The following STRBP variants were observed in gnomAD, a reference collection of about 807,000 sequenced individuals.
The protein encoded by STRBP is spermatid perinuclear RNA-binding protein.
In STRBP, 13 loss-of-function variants were observed where a neutral mutation model predicts 80.1. The ratio of observed to expected loss-of-function variants is 0.16; its 90% CI spans 0.11 to 0.26. STRBP has a LOEUF of 0.26. STRBP is among the 10% of genes least tolerant of loss of function. The probability of loss-of-function intolerance (pLI) is 1.00; values close to 1 mark genes in which losing one functional copy is unlikely to be tolerated. For synonymous variants in STRBP, 284 were observed against 291.2 expected (o/e 0.98, Z 0.25); for missense variants, 485 against 815.2 (o/e 0.59, Z 4.93).
chr9:123,137,121 A>G (rs1266847718), intron 14 of STRBP, among the ~76,000 whole-genome samples: 1 of 152,232 alleles, frequency 6.6e-6, no homozygotes, highest in Non-Finnish European at 1.5e-5. Flanking sequence ...AAAATAACGT[A>G]TGTTAAAGAG....
rs1332887057 is a variant in STRBP, at chr9:123,235,946, C to T, written c.-165+884G>A. Among the ~76,000 whole-genome samples, 3 of 152,188 alleles carry T rather than the reference C, an allele frequency of 2.0e-5. No homozygotes were observed. In the East Asian group the frequency reaches 5.8e-4, roughly 29 times the overall value. The stretch of plus-strand genomic sequence containing the variant: ...TCCATCTTACTTTCTGATTAATAAT[C>T]CATCTGCACAAATACTTAATATGTG... On this transcript the variant is annotated intron_variant, in intron 2 of 18. Transcript: ENST00000348403.
chr9:123,247,139 T>C (rs10985913), intron 1 of STRBP, among the ~76,000 whole-genome samples: 57,415 of 152,118 alleles, frequency 0.38, 17,919 homozygotes, highest in African/African-American at 0.83. Context: ...CACTACCCAA[T>C]GCCCCCCTCA....
intron 2 of STRBP, among the ~76,000 whole-genome samples, chr9:123,211,682 A>T (rs2039713895): frequency 6.6e-6 from 1 of 152,330 alleles, no homozygotes; most frequent in South Asian, 2.1e-4. Flanking sequence ...ATAATTTTTT[A>T]AATTTAGGCC....
intron 2 of STRBP, among the ~76,000 whole-genome samples, chr9:123,232,292 C>T (rs2040420569): frequency 6.6e-6 from 1 of 152,156 alleles, no homozygotes; most frequent in African/African-American, 2.4e-5. Context: ...GCCTGGGTGA[C>T]AGAGTAAGAC....
intron 2 of STRBP, among the ~76,000 whole-genome samples, chr9:123,190,909 A>C (rs1329390823): frequency 6.6e-6 from 1 of 152,214 alleles, no homozygotes; most frequent in Non-Finnish European, 1.5e-5. Flanking sequence ...ATTCAGCCAG[A>C]CAGATGACTC....
chr9:123,126,535 G>C lies in STRBP; in HGVS notation c.1943-862C>G, dbSNP rs929476189. On this transcript the variant is annotated intron_variant, in intron 18 of 18. Transcript: ENST00000348403. This position sits in a 1 kb window ranked among gnomAD's most constrained non-coding sequence, Gnocchi z 4.4. Reference sequence around the variant, plus strand: ...AGGAGCTTTCTGATGTGGGGGCTCAGAGGGCACAGGGTGAAAGTATAATGT... The same window carrying C: ...AGGAGCTTTCTGATGTGGGGGCTCACAGGGCACAGGGTGAAAGTATAATGT... 6.6e-6 allele frequency among the ~76,000 whole-genome samples: 1 copy of C among 152,130 alleles called. No individual in the cohort carries two copies. Among genetic ancestry groups the C allele is most frequent in the African/African-American group, 2.4e-5 (1 of 41,428 alleles).
chr9:123,263,368 T>TA (rs1272266106), intron 1 of STRBP, among the ~76,000 whole-genome samples: 31 of 150,514 alleles, frequency 2.1e-4, no homozygotes, highest in Admixed American at 1.6e-3. Context: ...CTACTAAAAG[T>TA]AAAAAAAATA....
At chr9:123,208,672 G>C (rs945381229) in intron 2 of STRBP, among the ~76,000 whole-genome samples, 7 of 152,126 alleles carry the variant, frequency 4.6e-5, no homozygotes, top group African/African-American at 1.7e-4. Flanking sequence ...GGTCTTTCTT[G>C]CATTTCATCC....
chr9:123,138,959 T>C (rs1179028178), intron 14 of STRBP, among the ~76,000 whole-genome samples: 1 of 152,212 alleles, frequency 6.6e-6, no homozygotes, highest in Non-Finnish European at 1.5e-5. Context: ...AACTCCCCAA[T>C]GTACTGTGTA....
chr9:123,194,843 C>T (rs2039040300), intron 2 of STRBP, among the ~76,000 whole-genome samples: 1 of 152,152 alleles, frequency 6.6e-6, no homozygotes, highest in African/African-American at 2.4e-5. Context: ...TCTCCTCCTA[C>T]TTTATAAATT....
At chr9:123,197,256 A>G (rs1476924709) in intron 2 of STRBP, among the ~76,000 whole-genome samples, 1 of 152,230 alleles carries the variant, frequency 6.6e-6, no homozygotes, top group Non-Finnish European at 1.5e-5. Flanking sequence ...GTGGGGAAGA[A>G]GTGGAGATGG....
intron 2 of STRBP, among the ~76,000 whole-genome samples, chr9:123,211,355 A>G (rs1165450047): frequency 1.3e-5 from 2 of 152,228 alleles, no homozygotes; most frequent in Non-Finnish European, 2.9e-5. Context: ...ATCCATAAAG[A>G]TGTGATAAAG....
rs188227963 is a variant in STRBP, at chr9:123,144,983, G to A, written c.1338+1872C>T. Among the ~76,000 whole-genome samples, 19 of 152,198 alleles carry A rather than the reference G, an allele frequency of 1.2e-4. No individual in the cohort carries two copies. In the East Asian group the frequency reaches 3.3e-3, roughly 26 times the overall value. On this transcript the variant is annotated intron_variant, in intron 13 of 18. Transcript: ENST00000348403. ...CTCTGATTCTTAATTCATTCTACCTGGATGGATCAAAGTTTAGTTTATCCC... is the reference window on the plus strand; with the variant it reads ...CTCTGATTCTTAATTCATTCTACCTAGATGGATCAAAGTTTAGTTTATCCC...
chr9:123,236,414 G>A (rs959711927), intron 2 of STRBP, among the ~76,000 whole-genome samples: 3 of 151,902 alleles, frequency 2.0e-5, no homozygotes, highest in Admixed American at 6.6e-5. Flanking sequence ...TCTGCTACCC[G>A]GTATTACATA....
chr9:123,163,573 C>CAGT (rs1444060786), intron 6 of STRBP, among the ~76,000 whole-genome samples: 2 of 152,120 alleles, frequency 1.3e-5, no homozygotes, highest in African/African-American at 2.4e-5. Context: ...AGGTAGAAAA[C>CAGT]AGTAGAGGAG....
chr9:123,124,614 C>T lies in STRBP; in HGVS notation c.*983G>A, dbSNP rs1233861082. 2 of 985,250 alleles carry T rather than the reference C, an allele frequency of 2.0e-6. No individual in the cohort carries two copies. Among genetic ancestry groups the T allele is most frequent in the African/African-American group, 1.7e-5 (1 of 57,208 alleles). The allele number at this position is 985,250 out of a possible 1,614,324, so 61.0% of individuals were successfully genotyped here. A position where few individuals can be genotyped will look rare whatever the true frequency, so the allele number is the denominator to read the frequency against. On this transcript the variant is annotated 3_prime_UTR_variant, in exon 19 of 19. Coordinates refer to ENST00000348403, the MANE Select transcript of STRBP (RefSeq NM_018387.5). ...GAGGAAAGGAGACCCTTCAATGAAT[C>T]CCAGCAAAATCACTAATCTTCTATC...
chr9:123,123,503 G>T lies in STRBP; in HGVS notation c.*2094C>A. 1 of 981,144 alleles carries T rather than the reference G, an allele frequency of 1.0e-6. No individual in the cohort carries two copies. Among genetic ancestry groups the T allele is most frequent in the South Asian group, 4.8e-5 (1 of 21,040 alleles). 60.8% of individuals were successfully genotyped at this position (981,144 alleles called of 1,614,324 possible). On this transcript the variant is annotated 3_prime_UTR_variant, in exon 19 of 19. Transcript: ENST00000348403. The stretch of plus-strand genomic sequence containing the variant: ...CAGCAACTGGGCAGGTTTACAACAT[G>T]GTTAGTAACTTCCAACAAACAACAA...
rs759150100 is a variant in STRBP at position 123,136,336 on chromosome 9, G to A, written c.1632+45C>T. On this transcript the variant is annotated intron_variant, in intron 15 of 18. Coordinates refer to ENST00000348403, the MANE Select transcript of STRBP (RefSeq NM_018387.5). The surrounding 1 kb of genome is among the most constrained non-coding windows in gnomAD (Gnocchi z 4.2). ...TTACATTAAGTTCAGGATATCCTAT[G>A]TCTTTGAGAAGAAAGATAAGGCTGG... 1 of 1,609,930 alleles carries A rather than the reference G, an allele frequency of 6.2e-7. No homozygotes were observed.
chr9:123,174,263 C>CT (rs1239011912), intron 4 of STRBP, among the ~76,000 whole-genome samples: 2 of 152,174 alleles, frequency 1.3e-5, no homozygotes, highest in Admixed American at 6.5e-5. Context: ...CAGTAACACC[C>CT]TGTTGCCACA....
Sources: allele counts gnomAD v4.1 joint callset (sites outside exome capture counted in the v4.1 genomes callset), GRCh38; gene constraint gnomAD v4.1.1; non-coding constraint Gnocchi (gnomAD v3.1); transcripts MANE v1.5; gene names NCBI Gene and HGNC (gene_info 2026-07-23, HGNC 2026-07-21).